The following DENND5B variants were observed in gnomAD, a reference collection of about 807,000 sequenced individuals.
DENND5B encodes the protein DENN domain-containing protein 5B.
Under a neutral mutation model 140.6 loss-of-function variants are expected in DENND5B, and 34 were observed. The observed-to-expected ratio is 0.24, with a 90% CI of 0.18 to 0.32. The LOEUF (loss-of-function observed/expected upper bound fraction) is 0.32, where lower values mean the gene tolerates loss of function less well. Among genes scored for constraint, DENND5B ranks in the 10% least tolerant of loss-of-function variants. The pLI is 1.00. For synonymous variants in DENND5B, 551 were observed against 562.1 expected (o/e 0.98, Z 0.28); for missense variants, 1,142 against 1,560.2 (o/e 0.73, Z 4.52).
intron 2 of DENND5B, among the ~76,000 whole-genome samples, chr12:31,489,187 C>T (rs529498681): frequency 6.6e-6 from 1 of 152,226 alleles, no homozygotes; most frequent in South Asian, 2.1e-4. Context: ...GTATAGTAGG[C>T]TATATCACCT....
At chr12:31,575,636 C>T (rs889302360) in intron 1 of DENND5B, among the ~76,000 whole-genome samples, 1 of 152,104 alleles carries the variant, frequency 6.6e-6, no homozygotes, top group Non-Finnish European at 1.5e-5. Flanking sequence ...AGGTACTAAA[C>T]CCGAAAAGAT....
chr12:31,523,135 T>C (rs112227961), intron 1 of DENND5B, among the ~76,000 whole-genome samples: 6,833 of 151,400 alleles, frequency 0.045, 211 homozygotes, highest in Non-Finnish European at 0.07. Context: ...CTCGGCTCAC[T>C]GCAGCCTCCG....
chr12:31,497,846 AGGG>A (rs1261379349), intron 1 of DENND5B, among the ~76,000 whole-genome samples: 2 of 8,174 alleles, frequency 2.4e-4, no homozygotes, highest in Non-Finnish European at 3.7e-4. Context: ...GGGAGGGGGC[AGGG>A]GGGGCAAGGG....
chr12:31,451,902 A>C (rs1196228140), intron 5 of DENND5B, 38 bp downstream of exon 5: 2 of 1,603,572 alleles, frequency 1.2e-6, no homozygotes, highest in Non-Finnish European at 1.7e-6. Flanking sequence ...TAATAAAGCC[A>C]CTAATAACCA....
chr12:31,448,855 A>G (rs1467994268), intron 5 of DENND5B, among the ~76,000 whole-genome samples: 5 of 129,988 alleles, frequency 3.8e-5, no homozygotes, highest in Non-Finnish European at 5.6e-5. Flanking sequence ...CCAAAAAAAC[A>G]AACAAACAAA....
chr12:31,411,336 C>CTT (rs143130029), intron 13 of DENND5B, among the ~76,000 whole-genome samples: 64 of 62,096 alleles, frequency 1.0e-3, no homozygotes, highest in African/African-American at 2.5e-3. Context: ...CACGCCCGGC[C>CTT]TTTTTTTTTT....
At chr12:31,402,444 T>C (rs78129979) in intron 15 of DENND5B, 54 bp downstream of exon 15, 1 of 1,548,788 alleles carries the variant, frequency 6.5e-7, no homozygotes, top group Non-Finnish European at 8.7e-7. Flanking sequence ...GACAGAATCA[T>C]CTGTAAAACT....
At chr12:31,490,533 C>T (rs1946485173) in intron 2 of DENND5B, among the ~76,000 whole-genome samples, 1 of 151,664 alleles carries the variant, frequency 6.6e-6, no homozygotes, top group African/African-American at 2.4e-5. Context: ...ATCGCTAGAG[C>T]ATGGGAGGTC....
chr12:31,400,481 T>C (rs1322097967), intron 15 of DENND5B, among the ~76,000 whole-genome samples: 1 of 152,242 alleles, frequency 6.6e-6, no homozygotes. Context: ...TTCTGACTTC[T>C]AAAATCTGAT....
intron 1 of DENND5B, among the ~76,000 whole-genome samples, chr12:31,551,393 G>C (rs886711574): frequency 1.3e-5 from 2 of 152,094 alleles, no homozygotes; most frequent in Non-Finnish European, 2.9e-5. Flanking sequence ...CATTATTTCT[G>C]AGGGCTCTGC....
intron 1 of DENND5B, among the ~76,000 whole-genome samples, chr12:31,557,814 CA>C (rs71445804): frequency 0.32 from 25,697 of 80,724 alleles, 2,571 homozygotes; most frequent in East Asian, 0.47. Flanking sequence ...GCTGTGGTGG[CA>C]AAAAAAAAAA....
At chr12:31,391,341 T>C (rs1316922103) in intron 19 of DENND5B, among the ~76,000 whole-genome samples, 1 of 152,212 alleles carries the variant, frequency 6.6e-6, no homozygotes, top group African/African-American at 2.4e-5. Flanking sequence ...CCAATGTACC[T>C]TGACATTCAG....
rs1004855893 is a variant in DENND5B, at chr12:31,409,392, A to G, written c.2682-8T>C. On this transcript the variant is annotated splice_region_variant and splice_polypyrimidine_tract_variant and intron_variant, in intron 13 of 20. Transcript: ENST00000389082. ...TATCGCTTATAAAGCTTCCTAGGAA[A>G]GGGTAAGACAAGCACAAGACAGTAG... 1.2e-5 allele frequency: 18 copies of G among 1,529,180 alleles called. No individual in the cohort carries two copies. The highest frequency in any genetic ancestry group is 1.6e-5 in the Non-Finnish European group (18 of 1,134,562). 94.7% of individuals were successfully genotyped at this position (1,529,180 alleles called of 1,614,324 possible).
intron 17 of DENND5B, 28 bp downstream of exon 17, chr12:31,398,147 C>A (rs189699285): frequency 6.5e-7 from 1 of 1,549,640 alleles, no homozygotes; most frequent in Non-Finnish European, 8.7e-7. Context: ...ATCATAGGAG[C>A]ACATAAGAAA....
chr12:31,444,521 G>T (rs1407087334), intron 6 of DENND5B, among the ~76,000 whole-genome samples: 1 of 152,196 alleles, frequency 6.6e-6, no homozygotes, highest in East Asian at 1.9e-4. Flanking sequence ...TGGGATTACA[G>T]GCGTTAGCCA....
chr12:31,402,624 C>T lies in DENND5B; in HGVS notation c.2823G>A (p.Val941=). ...TGCTCAGCTTTTTGATTGGGATGAT[C>T]ACTGACCTATACGGAATCACTGAAA... The part of the protein sequence containing the change: ...FTTIMIPYRS[V]IIPIKKLSNA... The change falls in exon 15 of 21, where the codon GTG becomes GTA. Residue 941 remains valine, a synonymous_variant. Transcript: ENST00000389082. 6.2e-7 allele frequency: 1 copy of T among 1,613,086 alleles called. No individual in the cohort carries two copies. The highest frequency in any genetic ancestry group is 1.3e-5 in the African/African-American group (1 of 75,034).
chr12:31,476,627 A>G (rs868285474), intron 3 of DENND5B, among the ~76,000 whole-genome samples: 2 of 152,006 alleles, frequency 1.3e-5, no homozygotes, highest in Non-Finnish European at 2.9e-5. Flanking sequence ...AAAAACCAAT[A>G]CTCTAAACCA....
intron 1 of DENND5B, among the ~76,000 whole-genome samples, chr12:31,498,954 C>T (rs977543074): frequency 8.7e-6 from 1 of 114,604 alleles, no homozygotes; most frequent in Non-Finnish European, 1.6e-5. Flanking sequence ...GCCTGGGTGA[C>T]AGAGTAAGGC....
At chr12:31,585,765 C>T (rs931216596) in intron 1 of DENND5B, among the ~76,000 whole-genome samples, 16 of 152,196 alleles carry the variant, frequency 1.1e-4, no homozygotes, top group South Asian at 2.1e-4. Context: ...ACCGTCTCTA[C>T]GCTCTTTTGA....
Sources: allele counts gnomAD v4.1 joint callset (sites outside exome capture counted in the v4.1 genomes callset), GRCh38; gene constraint gnomAD v4.1.1; transcripts MANE v1.5; gene names NCBI Gene and HGNC (gene_info 2026-07-23, HGNC 2026-07-21).